The following CPNE7 variants were observed in gnomAD, a reference collection of about 807,000 sequenced individuals.
The protein encoded by CPNE7 is copine 7.
CPNE7 carries 78 observed loss-of-function variants against 66.5 expected under a neutral mutation model. The observed-to-expected ratio is 1.17, with a 90% confidence interval of 0.98 to 1.42. CPNE7 has a LOEUF of 1.42. Ranked by LOEUF, CPNE7 falls within the 40% of genes most tolerant of loss-of-function variation. The probability of loss-of-function intolerance (pLI) is 0.00; values close to 1 mark genes in which losing one functional copy is unlikely to be tolerated. For missense variants in CPNE7, 1,012 were observed against 776.6 expected (o/e 1.30, Z -3.60); for synonymous variants, 468 against 336.7 (o/e 1.39, Z -4.27).
Position 89,575,788 on chromosome 16 carries a change from G to A in CPNE7, c.-110G>A. 2 of 835,986 alleles carry A rather than the reference G, an allele frequency of 2.4e-6. No individual in the cohort carries two copies. Among genetic ancestry groups the A allele is most frequent in the South Asian group, 1.1e-4 (2 of 18,008 alleles). 51.8% of individuals were successfully genotyped at this position (835,986 alleles called of 1,614,324 possible). On this transcript the variant is annotated 5_prime_UTR_variant, in exon 1 of 15. Transcript: ENST00000319518. ...CGCCCGCGCCCGGCAGGCGTTCAGGGAAGCGCGGCCACGCCTGGGCCGGCC... is the reference window on the plus strand; with the variant it reads ...CGCCCGCGCCCGGCAGGCGTTCAGGAAAGCGCGGCCACGCCTGGGCCGGCC...
chr16:89,591,921 A>G (rs953488618), intron 13 of CPNE7, among the ~76,000 whole-genome samples: 28 of 151,258 alleles, frequency 1.9e-4, no homozygotes, highest in African/African-American at 5.6e-4. Flanking sequence ...AGCTGGTCTC[A>G]AACTCCTGAC....
At chr16:89,583,822 C>T (rs368893675) in intron 3 of CPNE7, 51 bp downstream of exon 3, 37 of 1,597,804 alleles carry the variant, frequency 2.3e-5, no homozygotes, top group African/African-American at 2.3e-4. Context: ...GCTGTGGCTC[C>T]GAGGGGTGTT....
intron 3 of CPNE7, 38 bp from the exon 4 acceptor site, chr16:89,583,990 A>C: frequency 1.2e-6 from 2 of 1,608,012 alleles, no homozygotes; most frequent in South Asian, 2.2e-5. Context: ...GTCAGGCCCC[A>C]CCTGGCCAAG....
intron 13 of CPNE7, among the ~76,000 whole-genome samples, chr16:89,591,946 G>T (rs1172505789): frequency 1.3e-5 from 2 of 151,280 alleles, no homozygotes; most frequent in Non-Finnish European, 2.9e-5. Context: ...TGATCCACCC[G>T]CCTCGGCCTC....
chr16:89,582,579 C>T (rs1407812332), intron 2 of CPNE7, among the ~76,000 whole-genome samples: 1 of 152,218 alleles, frequency 6.6e-6, no homozygotes, highest in Admixed American at 6.5e-5. Context: ...GAGGCTCCCC[C>T]TCCCAGCACC....
intron 11 of CPNE7, among the ~76,000 whole-genome samples, chr16:89,590,249 G>A (rs537375163): frequency 6.6e-6 from 1 of 152,336 alleles, no homozygotes; most frequent in Non-Finnish European, 1.5e-5. Context: ...CTTCGGCCAG[G>A]CGTGGTGGCT....
intron 1 of CPNE7, among the ~76,000 whole-genome samples, chr16:89,576,543 G>A (rs1391138269): frequency 6.6e-6 from 1 of 152,200 alleles, no homozygotes; most frequent in South Asian, 2.1e-4. Context: ...CTCCAACGTG[G>A]GTCTCAAGCG....
chr16:89,588,234 G>A (rs1043960439), intron 9 of CPNE7, among the ~76,000 whole-genome samples: 29 of 145,460 alleles, frequency 2.0e-4, no homozygotes, highest in South Asian at 2.1e-4. Flanking sequence ...CACGGCCCCC[G>A]TGTCACCCGC....
intron 1 of CPNE7, 39 bp downstream of exon 1, chr16:89,576,110 C>A: frequency 8.1e-7 from 1 of 1,237,798 alleles, no homozygotes; most frequent in Non-Finnish European, 1.0e-6. Flanking sequence ...GCCACCGGGC[C>A]GGGGCTGGCG....
chr16:89,586,712 C>T lies in CPNE7; in HGVS notation c.823C>T (p.Arg275Cys), dbSNP rs138800033. ...GAACCCCAAATACAAGCAGAAGAGA[C>T]GCAGTTATAAGAACTCAGGAGTGGT... Reference protein sequence around the residue: ...CVNPKYKQKRRSYKNSGVVVL... With the variant: ...CVNPKYKQKRCSYKNSGVVVL... The change falls in exon 8 of 15, where the codon CGC becomes TGC. Residue 275 changes from arginine to cysteine, a missense_variant. By Grantham distance (180) the Arg-to-Cys change is radical. Coordinates refer to ENST00000319518, the MANE Select transcript of CPNE7 (RefSeq NM_153636.3). 1.8e-4 allele frequency: 294 copies of T among 1,612,686 alleles called. 1 individual carries two copies. Among genetic ancestry groups the T allele is most frequent in the African/African-American group, 1.6e-3 (120 of 74,636 alleles).
intron 2 of CPNE7, among the ~76,000 whole-genome samples, chr16:89,582,778 T>C (rs553594345): frequency 6.6e-6 from 1 of 152,316 alleles, no homozygotes; most frequent in Non-Finnish European, 1.5e-5. Context: ...ACCTACCTCA[T>C]TGTGACCTCC....
intron 13 of CPNE7, 32 bp downstream of exon 13, chr16:89,591,292 G>A (rs1284734942): frequency 1.3e-6 from 2 of 1,531,648 alleles, no homozygotes; most frequent in African/African-American, 1.4e-5. Context: ...TGCATGCTTG[G>A]TGTGGGGTCG....
rs780450140 is a variant in CPNE7, at chr16:89,577,742, G to C, written c.357+21G>C. On this transcript the variant is annotated intron_variant, in intron 2 of 14. Transcript: ENST00000319518. ...GGCAGGTGGGTGCCCCGTCCCCTCG[G>C]AGGGAGGAGGACGGTTGGCGTGGGG... 1.7e-5 allele frequency: 26 copies of C among 1,566,832 alleles called. No homozygotes were observed. The Admixed American group carries it at 1.7e-4, about 10-fold the overall frequency.
chr16:89,586,654 C>G lies in CPNE7; in HGVS notation c.781-16C>G, dbSNP rs752839695. 7 of 1,609,324 alleles carry G rather than the reference C, an allele frequency of 4.3e-6. No individual in the cohort carries two copies. Among genetic ancestry groups the G allele is most frequent in the Non-Finnish European group, 3.4e-6 (4 of 1,176,388 alleles). On this transcript the variant is annotated splice_polypyrimidine_tract_variant and intron_variant, in intron 7 of 14. Coordinates refer to ENST00000319518, the MANE Select transcript of CPNE7 (RefSeq NM_153636.3). The stretch of plus-strand genomic sequence containing the variant: ...GAGCCACCACTCTGGGGGGCCTCTG[C>G]TTGTTCCTGCCCCAGGCCCAGTGGG...
chr16:89,584,249 C>T lies in CPNE7; in HGVS notation c.507+147C>T. On this transcript the variant is annotated intron_variant, in intron 4 of 14. Transcript: ENST00000319518. The surrounding 1 kb of genome is among the most constrained non-coding windows in gnomAD (Gnocchi z 6.0). ...TGCCTGGGGCTGGGCGTGCTGCCGT[C>T]ACGGTCGCCATCATCACTGTCACCG... 1.3e-6 allele frequency: 1 copy of T among 781,994 alleles called. No homozygotes were observed. The highest frequency in any genetic ancestry group is 1.8e-5 in the South Asian group (1 of 54,292). 48.4% of individuals were successfully genotyped at this position (781,994 alleles called of 1,614,324 possible). A position where few individuals can be genotyped will look rare whatever the true frequency, so the allele number is the denominator to read the frequency against.
In CPNE7 at chr16:89,596,552, C is replaced by T. The variant is rs2059259202; in HGVS notation, c.1608C>T (p.Ser536=). Residue 536 remains serine, a synonymous_variant, in exon 15 of 15, where the codon AGC becomes AGT. Transcript: ENST00000319518. The part of the protein sequence containing the change: ...EVPKQVVEYY[S]HRGLPPRSLG... ...CGAAGCAGGTGGTGGAGTACTACAGCCACAGAGGCCTGCCCCCGAGAAGCC... is the reference window on the plus strand; with the variant it reads ...CGAAGCAGGTGGTGGAGTACTACAGTCACAGAGGCCTGCCCCCGAGAAGCC... 2 of 1,609,522 alleles carry T rather than the reference C, an allele frequency of 1.2e-6. No homozygotes were observed. The highest frequency in any genetic ancestry group is 1.7e-6 in the Non-Finnish European group (2 of 1,179,810).
chr16:89,585,806 G>GT (rs771819217), intron 7 of CPNE7, 21 bp downstream of exon 7: 3 of 1,317,354 alleles, frequency 2.3e-6, no homozygotes, highest in African/African-American at 3.4e-5. Flanking sequence ...CGGGGTAGGG[G>GT]GTCCTCCAGG....
At chr16:89,595,322 G>C (rs1324326063) in intron 13 of CPNE7, 45 bp from the exon 14 acceptor site, 23 of 1,496,668 alleles carry the variant, frequency 1.5e-5, no homozygotes, top group Non-Finnish European at 2.0e-5. Flanking sequence ...GCGCATGTGG[G>C]CCATGGCAGG....
intron 1 of CPNE7, among the ~76,000 whole-genome samples, chr16:89,577,293 G>A (rs931069641): frequency 8.5e-5 from 13 of 152,222 alleles, no homozygotes; most frequent in African/African-American, 2.4e-4. Flanking sequence ...TGTCATTCTC[G>A]TCCTCTGTGA....
Sources: gnomAD v4.1 joint callset for allele counts (sites outside exome capture counted in the v4.1 genomes callset) on GRCh38, gnomAD v4.1.1 for gene constraint, Gnocchi (gnomAD v3.1) non-coding constraint, MANE v1.5 for transcripts, NCBI Gene and HGNC (gene_info 2026-07-23, HGNC 2026-07-21) for gene names.